Variants in DCC observed in about 807,000 individuals in gnomAD.
The protein encoded by DCC is netrin receptor DCC.
A neutral mutation model predicts 172.5 loss-of-function variants in DCC; 58 were observed. The observed-to-expected ratio is 0.34, with a 90% CI of 0.27 to 0.42. The LOEUF is 0.42. Among genes scored for constraint, DCC ranks in the 10% least tolerant of loss-of-function variants. The probability of loss-of-function intolerance (pLI) is 1.00; values close to 1 mark genes in which losing one functional copy is unlikely to be tolerated. For synonymous variants in DCC, 709 were observed against 644.5 expected, an observed-to-expected ratio of 1.10 and a Z score of -1.52; for missense variants, 1,740 against 1,791.0, an observed-to-expected ratio of 0.97 and a Z score of 0.51.
At chr18:53,402,267 G>A (rs2145035759) in intron 18 of DCC, among the ~76,000 whole-genome samples, 1 of 152,150 alleles carries the variant, frequency 6.6e-6, no homozygotes, top group South Asian at 2.1e-4. Flanking sequence ...GTGTGCAACA[G>A]TGGATCCGGC....
intron 1 of DCC, among the ~76,000 whole-genome samples, chr18:52,450,946 C>T (rs754467716): frequency 5.9e-4 from 90 of 152,040 alleles, no homozygotes; most frequent in South Asian, 8.3e-4. Flanking sequence ...TTTAGAAATA[C>T]GATTTGAATG....
chr18:53,019,313 C>A (rs753315649), intron 5 of DCC, among the ~76,000 whole-genome samples: 1 of 152,042 alleles, frequency 6.6e-6, no homozygotes, highest in Non-Finnish European at 1.5e-5. Flanking sequence ...AAGTCAACAC[C>A]TTTTATTTTT....
intron 5 of DCC, among the ~76,000 whole-genome samples, chr18:52,952,932 A>G (rs2040676627): frequency 7.2e-6 from 1 of 138,686 alleles, no homozygotes; most frequent in African/African-American, 2.7e-5. Context: ...CAGGAAGTCA[A>G]GGCTGCAGTT....
chr18:52,907,383 G>T (rs970056275), intron 3 of DCC, among the ~76,000 whole-genome samples: 22 of 145,094 alleles, frequency 1.5e-4, no homozygotes, highest in Admixed American at 5.7e-4. Context: ...ATATATGCAT[G>T]ATATATGTCA....
intron 1 of DCC, among the ~76,000 whole-genome samples, chr18:52,459,691 G>A (rs949613154): frequency 1.3e-5 from 2 of 151,884 alleles, no homozygotes; most frequent in South Asian, 2.1e-4. Flanking sequence ...GGATGGTCTC[G>A]ATCTCCTGAC....
At chr18:53,275,554 C>T (rs1235082338) in intron 12 of DCC, among the ~76,000 whole-genome samples, 1 of 151,990 alleles carries the variant, frequency 6.6e-6, no homozygotes, top group Non-Finnish European at 1.5e-5. Context: ...CAGTATAACA[C>T]AGAAAAATTG....
chr18:53,049,648 G>A (rs1471864549), intron 5 of DCC, among the ~76,000 whole-genome samples: 5 of 151,994 alleles, frequency 3.3e-5, no homozygotes, highest in Non-Finnish European at 7.4e-5. Context: ...TTCTGCTTAG[G>A]ATTACCTTGG....
chr18:52,450,865 G>T (rs1988281800), intron 1 of DCC, among the ~76,000 whole-genome samples: 2 of 152,138 alleles, frequency 1.3e-5, no homozygotes, highest in South Asian at 4.1e-4. Context: ...TTAACTTGAA[G>T]AAAATTAACC....
chr18:53,009,437 A>G (rs2041694739), intron 5 of DCC, among the ~76,000 whole-genome samples: 1 of 151,942 alleles, frequency 6.6e-6, no homozygotes, highest in Non-Finnish European at 1.5e-5. Context: ...AGACACTAAA[A>G]CTGTGTCACT....
chr18:52,943,413 C>A (rs2040493309), intron 5 of DCC, among the ~76,000 whole-genome samples: 1 of 152,088 alleles, frequency 6.6e-6, no homozygotes, highest in Non-Finnish European at 1.5e-5. Context: ...GTTAATTGTT[C>A]AGTGACAGAA....
At chr18:52,622,384 C>T (rs1345463349) in intron 1 of DCC, among the ~76,000 whole-genome samples, 1 of 152,138 alleles carries the variant, frequency 6.6e-6, no homozygotes, top group African/African-American at 2.4e-5. Context: ...GATTTCTGGC[C>T]CATACCCCAA....
intron 28 of DCC, among the ~76,000 whole-genome samples, chr18:53,527,569 TA>T (rs963727513): frequency 2.6e-5 from 4 of 151,682 alleles, no homozygotes; most frequent in Non-Finnish European, 5.9e-5. Context: ...ATGACGTAAT[TA>T]AAAAATAAGA....
At chr18:53,134,690 A>T (rs2043713760) in intron 7 of DCC, among the ~76,000 whole-genome samples, 1 of 152,154 alleles carries the variant, frequency 6.6e-6, no homozygotes, top group Admixed American at 6.6e-5. Flanking sequence ...TAGTTAAAAG[A>T]AATGATTTTT....
At chr18:52,345,899 AAG>A (rs1177607957) in intron 1 of DCC, among the ~76,000 whole-genome samples, 1 of 152,192 alleles carries the variant, frequency 6.6e-6, no homozygotes, top group Admixed American at 6.5e-5. Context: ...CACAATCTTT[AAG>A]AGAGACAGGA....
chr18:53,222,529 C>G (rs565118152), intron 12 of DCC, among the ~76,000 whole-genome samples: 1 of 151,568 alleles, frequency 6.6e-6, no homozygotes, highest in East Asian at 1.9e-4. Flanking sequence ...GGACTACAGG[C>G]GTGTGCCACC....
At chr18:52,783,321 C>CTTTT (rs1568100450) in intron 2 of DCC, among the ~76,000 whole-genome samples, 2 of 62,122 alleles carry the variant, frequency 3.2e-5, no homozygotes, top group African/African-American at 6.3e-5. Context: ...TATACTACTA[C>CTTTT]TCTTTTTTTT....
At chr18:53,049,575 T>C (rs2042306523) in intron 5 of DCC, among the ~76,000 whole-genome samples, 1 of 152,128 alleles carries the variant, frequency 6.6e-6, no homozygotes, top group East Asian at 1.9e-4. Context: ...CATGCTGCTG[T>C]GGTTACTGTA....
intron 3 of DCC, among the ~76,000 whole-genome samples, chr18:52,906,638 A>G (rs1402275264): frequency 6.6e-6 from 1 of 151,708 alleles, no homozygotes; most frequent in Admixed American, 6.6e-5. Flanking sequence ...TTTCTCACAT[A>G]TTATTTCATT....
intron 5 of DCC, among the ~76,000 whole-genome samples, chr18:53,026,189 C>A (rs1324172414): frequency 6.6e-6 from 1 of 151,866 alleles, no homozygotes; most frequent in Non-Finnish European, 1.5e-5. Context: ...ATTTAATTAT[C>A]TTTATTTTAA....
Sources: gnomAD v4.1 joint callset for allele counts (sites outside exome capture counted in the v4.1 genomes callset) on GRCh38, gnomAD v4.1.1 for gene constraint, MANE v1.5 for transcripts, NCBI Gene and HGNC (gene_info 2026-07-23, HGNC 2026-07-21) for gene names.